WASF2: variants seen among roughly 807,000 people sequenced by gnomAD.
WASF2 encodes WASP family member 2.
In WASF2, 14 loss-of-function variants were observed where a neutral mutation model predicts 45.0. The ratio of observed to expected loss-of-function variants is 0.31; its 90% CI spans 0.21 to 0.49. The LOEUF is 0.49. Ranked by LOEUF, WASF2 falls within the 20% of genes least tolerant of loss-of-function variation. The pLI, the probability that WASF2 is intolerant of heterozygous loss-of-function variation, is 0.99. For synonymous variants in WASF2, 200 were observed against 236.3 expected, an observed-to-expected ratio of 0.85 and a Z score of 1.41; for missense variants, 439 against 636.1, an observed-to-expected ratio of 0.69 and a Z score of 3.33.
intron 5 of WASF2, among the ~76,000 whole-genome samples, chr1:27,415,469 AG>A: frequency 6.6e-6 from 1 of 152,342 alleles, no homozygotes. Context: ...AATGGGACTG[AG>A]GTTGCAACTG....
At position 27,406,648 on chromosome 1, in the gene WASF2, A is replaced by G. The variant is rs1262727274; in HGVS notation, c.*1541T>C. On this transcript the variant is annotated 3_prime_UTR_variant, in exon 9 of 9. Coordinates refer to ENST00000618852, the MANE Select transcript of WASF2 (RefSeq NM_006990.5). ...AAGAAAAGAAACCTCACTGTTGGCT[A>G]GAGCTGACCAGTTTTTTTCTGAATA... The G allele has an allele frequency of 6.6e-6, 1 of 150,604 alleles. No homozygotes were observed. Among genetic ancestry groups the G allele is most frequent in the Non-Finnish European group, 1.5e-5 (1 of 67,392 alleles). 9.3% of individuals were successfully genotyped at this position (150,604 alleles called of 1,614,324 possible).
At chr1:27,446,162 G>T (rs569574724) in intron 1 of WASF2, among the ~76,000 whole-genome samples, 1 of 151,996 alleles carries the variant, frequency 6.6e-6, no homozygotes, top group South Asian at 2.1e-4. Context: ...TTCTTTACTA[G>T]ATTTAATATC....
intron 2 of WASF2, among the ~76,000 whole-genome samples, chr1:27,425,945 A>C (rs2016974698): frequency 1.3e-5 from 2 of 151,832 alleles, no homozygotes. Flanking sequence ...CGCAGAGGCG[A>C]AGGCTGCAGG....
chr1:27,451,949 G>A (rs1196575204), intron 1 of WASF2, among the ~76,000 whole-genome samples: 1 of 152,190 alleles, frequency 6.6e-6, no homozygotes, highest in East Asian at 1.9e-4. Flanking sequence ...AACAATTACA[G>A]TAATATTAGT....
At chr1:27,453,935 T>C (rs1332861351) in intron 1 of WASF2, among the ~76,000 whole-genome samples, 1 of 151,818 alleles carries the variant, frequency 6.6e-6, no homozygotes, top group Non-Finnish European at 1.5e-5. Context: ...GCCCCCTGCA[T>C]ACTCTCCCAA....
chr1:27,481,140 C>CA lies in WASF2; in HGVS notation c.-44+8845dup, dbSNP rs77693540. 6.2e-3 allele frequency among the ~76,000 whole-genome samples: 685 copies of CA among 110,416 alleles called. 1 individual carries two copies. The highest frequency in any genetic ancestry group is 0.014 in the Middle Eastern group (2 of 138). The allele number at this position is 110,416 out of a possible 152,430, so 72.4% of individuals were successfully genotyped here. A position where few individuals can be genotyped will look rare whatever the true frequency, so the allele number is the denominator to read the frequency against. On this transcript the variant is annotated intron_variant, in intron 1 of 8. Coordinates refer to ENST00000618852, the MANE Select transcript of WASF2 (RefSeq NM_006990.5). ...TGAAACCCCGTCTCTACTAAAAATA[C>CA]AAAAAAAAAAAAAATTAGCCAGGCG... is the stretch of plus-strand genomic sequence containing the variant.
chr1:27,451,085 T>C (rs1273053225), intron 1 of WASF2, among the ~76,000 whole-genome samples: 1 of 152,112 alleles, frequency 6.6e-6, no homozygotes, highest in Non-Finnish European at 1.5e-5. Context: ...ATTGTCTTTG[T>C]ATAAAGTAAT....
intron 1 of WASF2, among the ~76,000 whole-genome samples, chr1:27,483,693 A>G (rs1002934677): frequency 2.0e-5 from 3 of 151,930 alleles, no homozygotes; most frequent in South Asian, 2.1e-4. Context: ...GTTTATGCTT[A>G]TCCCTGTAAT....
At chr1:27,474,350 C>T (rs2017736198) in intron 1 of WASF2, among the ~76,000 whole-genome samples, 1 of 151,904 alleles carries the variant, frequency 6.6e-6, no homozygotes, top group Admixed American at 6.6e-5. Context: ...AAAAATAAAA[C>T]ACACCCAGGC....
intron 1 of WASF2, among the ~76,000 whole-genome samples, chr1:27,489,587 A>G (rs72478544): frequency 0.15 from 23,044 of 152,050 alleles, 2,394 homozygotes; most frequent in East Asian, 0.37. Context: ...CTTGTCCAAG[A>G]TCTCAGACAA....
intron 1 of WASF2, among the ~76,000 whole-genome samples, chr1:27,454,102 T>C (rs911854181): frequency 2.7e-5 from 4 of 146,960 alleles, no homozygotes; most frequent in African/African-American, 5.0e-5. Context: ...TATATATACA[T>C]ATATATGTGT....
rs377481203 is a variant in WASF2 at position 27,484,918 on chromosome 1, G to A, written c.-44+5068C>T. On this transcript the variant is annotated intron_variant, in intron 1 of 8. Coordinates refer to ENST00000618852, the MANE Select transcript of WASF2 (RefSeq NM_006990.5). ...TAATCCCAGCACTTTGGGAGGCCAA[G>A]GCAGGTGGATCACCTGAGGTCAAGA... Among the ~76,000 whole-genome samples, 27 of 152,200 alleles carry A rather than the reference G, an allele frequency of 1.8e-4. 1 individual carries two copies. The Middle Eastern group carries it at 0.01, about 58-fold the overall frequency.
At chr1:27,443,272 G>A (rs1369097172) in intron 1 of WASF2, among the ~76,000 whole-genome samples, 1 of 145,282 alleles carries the variant, frequency 6.9e-6, no homozygotes, top group African/African-American at 2.6e-5. Flanking sequence ...GGAGTAAGAG[G>A]CCCACCCAGG....
At chr1:27,487,636 A>AATATATATTATATATATTTTATACAAT (rs2017958906) in intron 1 of WASF2, among the ~76,000 whole-genome samples, 2 of 81,178 alleles carry the variant, frequency 2.5e-5, no homozygotes, top group South Asian at 3.3e-4. Flanking sequence ...TACAATATAT[A>AATATATATTATATATATTTTATACAAT]ATATATATTA....
intron 1 of WASF2, among the ~76,000 whole-genome samples, chr1:27,454,818 G>C (rs753790264): frequency 6.6e-6 from 1 of 151,604 alleles, no homozygotes; most frequent in Non-Finnish European, 1.5e-5. Context: ...TCTATTGTAG[G>C]AACATATCAT....
rs753032343 is a variant in WASF2, at chr1:27,410,217, A to C, written c.825-11T>G. On this transcript the variant is annotated splice_polypyrimidine_tract_variant and intron_variant, in intron 7 of 8. Transcript: ENST00000618852. The surrounding 1 kb of genome is among the most constrained non-coding windows in gnomAD (Gnocchi z 4.2). ...TTGTCCACTGGGTAACTAAAAGGCC[A>C]AAGAAAAAAAGACTCACCATCACCC... 1.2e-6 allele frequency: 2 copies of C among 1,613,958 alleles called. No homozygotes were observed. Among genetic ancestry groups the C allele is most frequent in the Non-Finnish European group, 1.7e-6 (2 of 1,179,922 alleles).
chr1:27,432,713 C>T (rs1207232802), intron 1 of WASF2, among the ~76,000 whole-genome samples: 1 of 151,216 alleles, frequency 6.6e-6, no homozygotes, highest in Non-Finnish European at 1.5e-5. Flanking sequence ...GGCAAATCCT[C>T]CTGTAGAATA....
At chr1:27,417,767 C>T (rs935291314) in intron 4 of WASF2, among the ~76,000 whole-genome samples, 6 of 152,156 alleles carry the variant, frequency 3.9e-5, no homozygotes, top group Admixed American at 6.5e-5. Context: ...TGGAAGAATG[C>T]GAATTACTCC....
intron 1 of WASF2, among the ~76,000 whole-genome samples, chr1:27,487,158 T>A (rs1044346500): frequency 4.2e-4 from 61 of 146,986 alleles, no homozygotes; most frequent in South Asian, 6.3e-4. Context: ...TGGAGTGCAG[T>A]GGTGCGATCT....
Sources: allele counts gnomAD v4.1 joint callset (sites outside exome capture counted in the v4.1 genomes callset), GRCh38; gene constraint gnomAD v4.1.1; non-coding constraint Gnocchi (gnomAD v3.1); transcripts MANE v1.5; gene names NCBI Gene and HGNC (gene_info 2026-07-23, HGNC 2026-07-21).